The following PLD5 variants were observed in gnomAD, a reference collection of about 807,000 sequenced individuals.
The protein encoded by PLD5 is phospholipase D family member 5.
In PLD5, 36 loss-of-function variants were observed where a neutral mutation model predicts 61.1. That is an observed-to-expected ratio of 0.59 (90% confidence interval 0.45 to 0.78). PLD5 has a LOEUF of 0.78. PLD5 is among the 30% of genes least tolerant of loss of function. The pLI, the probability that PLD5 is intolerant of heterozygous loss-of-function variation, is 0.00. For synonymous variants in PLD5, 243 were observed against 242.8 expected, an observed-to-expected ratio of 1.00 and a Z score of -0.01; for missense variants, 515 against 644.4, an observed-to-expected ratio of 0.80 and a Z score of 2.17.
intron 1 of PLD5, among the ~76,000 whole-genome samples, chr1:242,512,393 C>A (rs1370837446): frequency 7.0e-6 from 1 of 142,980 alleles, no homozygotes; most frequent in Admixed American, 7.2e-5. Flanking sequence ...GCACTCCAGC[C>A]CGGGTGACAG....
intron 4 of PLD5, among the ~76,000 whole-genome samples, chr1:242,238,485 C>G (rs1246836869): frequency 1.3e-5 from 2 of 152,190 alleles, no homozygotes; most frequent in Non-Finnish European, 2.9e-5. Flanking sequence ...GAGTGACAAA[C>G]ACACCTATAA....
chr1:242,251,658 GAGGGGATCT>G (rs1672712990), intron 4 of PLD5, among the ~76,000 whole-genome samples: 1 of 152,166 alleles, frequency 6.6e-6, no homozygotes, highest in Admixed American at 6.6e-5. Context: ...ACACCTGCCA[GAGGGGATCT>G]AGGATGGATA....
In PLD5 at chr1:242,353,197, T is replaced by TTGTATACAGTG. The variant is rs1259689038; in HGVS notation, c.190-4966_190-4956dup. Among the ~76,000 whole-genome samples the TTGTATACAGTG allele has an allele frequency of 4.6e-5, 7 of 152,334 alleles. No individual in the cohort carries two copies. In the East Asian group the frequency reaches 1.3e-3, roughly 29 times the overall value. ...TCTTTAACCCATTTTGAGTTGATTT[T>TTGTATACAGTG]TGTATACAGTGTGTATACAGTGTAT... is the stretch of plus-strand genomic sequence containing the variant. On this transcript the variant is annotated intron_variant, in intron 1 of 9. Transcript: ENST00000536534.
At chr1:242,173,646 T>C (rs1365148483) in intron 5 of PLD5, among the ~76,000 whole-genome samples, 5 of 152,186 alleles carry the variant, frequency 3.3e-5, no homozygotes, top group East Asian at 1.9e-4. Context: ...CTTCAAACTA[T>C]ACTACAAGAC....
rs116347326 is a variant in PLD5, at chr1:242,089,855, T to C, written c.1610A>G (p.Ter537=). Residue 537 remains the stop codon, a stop_retained_variant, in exon 10 of 10, where the codon TAA becomes TGA. Transcript: ENST00000536534. ...DTGGKDPRNV[*] The stretch of plus-strand genomic sequence containing the variant: ...TGTCCTGTCAGTTTCTTCATCATGT[T>C]ATACGTTCCGGGGATCCTTTCCGCC... The C allele has an allele frequency of 7.3e-4, 1,180 of 1,614,232 alleles. 4 individuals are homozygous for C. The African/African-American group carries it at 0.013, about 18-fold the overall frequency.
chr1:242,496,165 G>A (rs1055180340), intron 1 of PLD5, among the ~76,000 whole-genome samples: 2 of 132,652 alleles, frequency 1.5e-5, no homozygotes, highest in African/African-American at 5.8e-5. Context: ...ACCAGAAAAT[G>A]TTTGCAATGG....
At chr1:242,220,208 T>A in intron 4 of PLD5, 93 bp from the exon 5 acceptor site, 1 of 1,481,650 alleles carries the variant, frequency 6.7e-7, no homozygotes, top group South Asian at 1.2e-5. Context: ...TGGTTCACCA[T>A]TTGTCCCAAT....
chr1:242,297,633 T>G (rs1486565221), intron 2 of PLD5, among the ~76,000 whole-genome samples: 1 of 14,578 alleles, frequency 6.9e-5, no homozygotes, highest in African/African-American at 5.1e-4. Flanking sequence ...TTTTTTTTTT[T>G]TTTTTTTTTT....
intron 1 of PLD5, among the ~76,000 whole-genome samples, chr1:242,395,673 A>C (rs1191000956): frequency 3.3e-5 from 5 of 152,212 alleles, no homozygotes; most frequent in Non-Finnish European, 7.3e-5. Context: ...GAAACATAGA[A>C]CATAAAGAGA....
intron 1 of PLD5, among the ~76,000 whole-genome samples, chr1:242,477,724 AAGGAT>A (rs1667642801): frequency 1.3e-5 from 2 of 152,182 alleles, no homozygotes; most frequent in South Asian, 4.1e-4. Flanking sequence ...CAGGTGAGCC[AAGGAT>A]CAGGGCATCA....
the PLD5 span, among the ~76,000 whole-genome samples, chr1:242,529,778 T>TCTTCCTTA: frequency 1.5e-5 from 2 of 129,792 alleles, no homozygotes; most frequent in Non-Finnish European, 3.3e-5. Flanking sequence ...GGCACTGGGA[T>TCTTCCTTA]CTTCCTTCCT....
rs192092994 is a variant in PLD5, at chr1:242,121,858, G to A, written c.933+2610C>T. On this transcript the variant is annotated intron_variant, in intron 6 of 9. Transcript: ENST00000536534. ...TCGCAAGGACAGAAAACCAAACACC[G>A]CATGTTCTTACTCATAGGTGGGAAC... 1.1e-4 allele frequency among the ~76,000 whole-genome samples: 17 copies of A among 148,140 alleles called. No homozygotes were observed. The East Asian group carries it at 1.6e-3, about 14-fold the overall frequency.
At chr1:242,441,335 G>A (rs1666264781) in intron 1 of PLD5, among the ~76,000 whole-genome samples, 1 of 151,960 alleles carries the variant, frequency 6.6e-6, no homozygotes, top group Admixed American at 6.6e-5. Flanking sequence ...AGGTGTGTGT[G>A]GTGTTGTGTG....
chr1:242,112,415 C>T (rs1036634990), intron 7 of PLD5, among the ~76,000 whole-genome samples: 26 of 151,524 alleles, frequency 1.7e-4, no homozygotes, highest in African/African-American at 6.3e-4. Flanking sequence ...CTCACTGCAA[C>T]CTCTACCTCC....
intron 6 of PLD5, 136 bp downstream of exon 6, chr1:242,124,332 T>G (rs994708326): frequency 7.9e-6 from 6 of 755,948 alleles, no homozygotes; most frequent in Admixed American, 2.8e-5. Context: ...TGGACGCATT[T>G]TAACTCTTCA....
At chr1:242,301,463 G>A (rs1676032042) in intron 2 of PLD5, among the ~76,000 whole-genome samples, 1 of 152,000 alleles carries the variant, frequency 6.6e-6, no homozygotes, top group Non-Finnish European at 1.5e-5. Flanking sequence ...AAATATCTCT[G>A]TCTCCCCCAT....
chr1:242,207,258 C>A (rs1021450706), intron 5 of PLD5, among the ~76,000 whole-genome samples: 2 of 152,174 alleles, frequency 1.3e-5, no homozygotes, highest in Non-Finnish European at 1.5e-5. Flanking sequence ...CATAATTCAG[C>A]CCTGCCACTC....
rs560143116 is a variant in PLD5 at position 242,256,855 on chromosome 1, T to C, written c.607+8482A>G. 6.9e-6 allele frequency among the ~76,000 whole-genome samples: 1 copy of C among 145,964 alleles called. No homozygotes were observed. Among genetic ancestry groups the C allele is most frequent in the Non-Finnish European group, 1.5e-5 (1 of 65,262 alleles). On this transcript the variant is annotated intron_variant, in intron 4 of 9. Coordinates refer to ENST00000536534, the MANE Select transcript of PLD5 (RefSeq NM_001372062.1). The surrounding 1 kb of genome is among the most constrained non-coding windows in gnomAD (Gnocchi z 5.7). Reference sequence around the variant, plus strand: ...TTTCTTTCTTTCTGTGTATCTGCCATCTATCTTCCTATCTTCTTTCTTTTC... The same window carrying C: ...TTTCTTTCTTTCTGTGTATCTGCCACCTATCTTCCTATCTTCTTTCTTTTC...
intron 2 of PLD5, among the ~76,000 whole-genome samples, chr1:242,308,092 G>A (rs1465778991): frequency 6.6e-6 from 1 of 152,052 alleles, no homozygotes; most frequent in Non-Finnish European, 1.5e-5. Context: ...TTTAAATAAT[G>A]AGCAATAAAC....
Sources: allele counts gnomAD v4.1 joint callset (sites outside exome capture counted in the v4.1 genomes callset), GRCh38; gene constraint gnomAD v4.1.1; non-coding constraint Gnocchi (gnomAD v3.1); transcripts MANE v1.5; gene names NCBI Gene and HGNC (gene_info 2026-07-23, HGNC 2026-07-21).